PLCXD3: variants seen among roughly 807,000 people sequenced by gnomAD.
PLCXD3 encodes phosphatidylinositol specific phospholipase C X domain containing 3.
Under a neutral mutation model 25.5 loss-of-function variants are expected in PLCXD3, and 19 were observed. The ratio of observed to expected loss-of-function variants is 0.75; its 90% CI spans 0.52 to 1.09. The LOEUF (loss-of-function observed/expected upper bound fraction) is 1.09. Ranked by LOEUF, PLCXD3 falls within the 50% of genes least tolerant of loss-of-function variation. The pLI, the probability that PLCXD3 is intolerant of heterozygous loss-of-function variation, is 0.00. For synonymous variants in PLCXD3, 174 were observed against 137.6 expected, an observed-to-expected ratio of 1.26 and a Z score of -1.85; for missense variants, 411 against 388.1, an observed-to-expected ratio of 1.06 and a Z score of -0.50.
intron 2 of PLCXD3, among the ~76,000 whole-genome samples, chr5:41,349,962 T>C (rs992361893): frequency 1.3e-5 from 2 of 152,102 alleles, no homozygotes; most frequent in African/African-American, 4.8e-5. Context: ...CAACATTTTG[T>C]TGCAGAAAAT....
At chr5:41,375,599 A>G (rs1038794788) in intron 2 of PLCXD3, among the ~76,000 whole-genome samples, 10 of 152,110 alleles carry the variant, frequency 6.6e-5, no homozygotes, top group Admixed American at 1.3e-4. Flanking sequence ...TTCATGTTCT[A>G]TGTCAATGCT....
At chr5:41,410,327 T>G (rs1746481868) in intron 1 of PLCXD3, among the ~76,000 whole-genome samples, 1 of 151,776 alleles carries the variant, frequency 6.6e-6, no homozygotes, top group African/African-American at 2.4e-5. Flanking sequence ...GTATTTTTAG[T>G]AGAGATGGGG....
intron 1 of PLCXD3, among the ~76,000 whole-genome samples, chr5:41,390,833 C>G (rs1020725113): frequency 2.6e-5 from 4 of 152,188 alleles, no homozygotes; most frequent in Admixed American, 1.3e-4. Flanking sequence ...AAAAGCAGTG[C>G]TGAATGGCTG....
intron 1 of PLCXD3, among the ~76,000 whole-genome samples, chr5:41,470,908 C>T (rs888206318): frequency 2.6e-5 from 4 of 152,102 alleles, no homozygotes; most frequent in Non-Finnish European, 4.4e-5. Flanking sequence ...CCAAGTGCAC[C>T]CTATCAAAGC....
At chr5:41,391,724 G>T (rs974145004) in intron 1 of PLCXD3, among the ~76,000 whole-genome samples, 7 of 152,176 alleles carry the variant, frequency 4.6e-5, no homozygotes, top group Admixed American at 4.6e-4. Context: ...GAGCCACAGT[G>T]GGGTAGAGCA....
intron 2 of PLCXD3, among the ~76,000 whole-genome samples, chr5:41,338,375 C>A (rs1744042387): frequency 6.6e-6 from 1 of 151,972 alleles, no homozygotes; most frequent in Admixed American, 6.6e-5. Flanking sequence ...ATTTATTTCC[C>A]TTTTTTTAAG....
chr5:41,445,540 G>A (rs954196293), intron 1 of PLCXD3, among the ~76,000 whole-genome samples: 11 of 152,250 alleles, frequency 7.2e-5, no homozygotes, highest in East Asian at 3.9e-4. Flanking sequence ...TAGGAAGAGA[G>A]GCTTGAAAAT....
chr5:41,363,909 A>T (rs1402934658), intron 2 of PLCXD3, among the ~76,000 whole-genome samples: 1 of 152,234 alleles, frequency 6.6e-6, no homozygotes, highest in African/African-American at 2.4e-5. Flanking sequence ...AAAACATGCC[A>T]TATTTCTAAG....
intron 1 of PLCXD3, among the ~76,000 whole-genome samples, chr5:41,469,138 G>A (rs144617647): frequency 3.3e-5 from 5 of 152,058 alleles, no homozygotes; most frequent in African/African-American, 1.2e-4. Flanking sequence ...GATGATCATA[G>A]GATAGTTATC....
intron 1 of PLCXD3, among the ~76,000 whole-genome samples, chr5:41,393,264 T>C (rs1180918012): frequency 6.6e-6 from 1 of 152,094 alleles, no homozygotes; most frequent in Non-Finnish European, 1.5e-5. Context: ...CCTCAAGGCA[T>C]TTAGTCATCA....
At chr5:41,460,480 T>C (rs1747849595) in intron 1 of PLCXD3, among the ~76,000 whole-genome samples, 1 of 151,978 alleles carries the variant, frequency 6.6e-6, no homozygotes. Context: ...AATACCAGTG[T>C]GAAAATTCCA....
At chr5:41,375,100 T>C (rs577193379) in intron 2 of PLCXD3, among the ~76,000 whole-genome samples, 7 of 151,238 alleles carry the variant, frequency 4.6e-5, no homozygotes, top group South Asian at 2.1e-4. Context: ...TGTGTCCCCA[T>C]TGGAGAGAAA....
chr5:41,486,784 A>T (rs1748527981), intron 1 of PLCXD3, among the ~76,000 whole-genome samples: 1 of 152,206 alleles, frequency 6.6e-6, no homozygotes, highest in Admixed American at 6.5e-5. Flanking sequence ...ATCCTCTTGA[A>T]TTCTGACAAC....
At chr5:41,327,898 C>A (rs6897476) in intron 2 of PLCXD3, among the ~76,000 whole-genome samples, 2 of 152,044 alleles carry the variant, frequency 1.3e-5, no homozygotes, top group South Asian at 2.1e-4. Context: ...CTCGAACTCC[C>A]GGACTCAAGC....
At chr5:41,387,643 T>G (rs1465597233) in intron 1 of PLCXD3, among the ~76,000 whole-genome samples, 1 of 152,112 alleles carries the variant, frequency 6.6e-6, no homozygotes, top group Non-Finnish European at 1.5e-5. Flanking sequence ...AAAAATTATA[T>G]GTACTACTAG....
At chr5:41,497,361 A>G (rs1470887146) in intron 1 of PLCXD3, among the ~76,000 whole-genome samples, 1 of 151,932 alleles carries the variant, frequency 6.6e-6, no homozygotes, top group South Asian at 2.1e-4. Context: ...AATGGTAACC[A>G]AAAGAGAATG....
intron 1 of PLCXD3, among the ~76,000 whole-genome samples, chr5:41,436,129 T>C (rs895371302): frequency 2.0e-5 from 3 of 152,070 alleles, no homozygotes; most frequent in Non-Finnish European, 4.4e-5. Flanking sequence ...TTTGGATGGG[T>C]TAGGCATCCA....
chr5:41,392,810 G>C (rs911818058), intron 1 of PLCXD3, among the ~76,000 whole-genome samples: 4 of 152,094 alleles, frequency 2.6e-5, no homozygotes, highest in Admixed American at 2.0e-4. Flanking sequence ...AAATAAATTT[G>C]AGATAACACA....
At chr5:41,319,210 A>C (rs933450887) in intron 2 of PLCXD3, among the ~76,000 whole-genome samples, 2 of 152,198 alleles carry the variant, frequency 1.3e-5, no homozygotes, top group Admixed American at 6.5e-5. Flanking sequence ...CAGATCTTCC[A>C]GACAGAAAAT....
Sources: gnomAD v4.1 joint callset for allele counts (sites outside exome capture counted in the v4.1 genomes callset) on GRCh38, gnomAD v4.1.1 for gene constraint, MANE v1.5 for transcripts, NCBI Gene and HGNC (gene_info 2026-07-23, HGNC 2026-07-21) for gene names.